Variants in ACTR3 observed in about 807,000 individuals in gnomAD.
ACTR3 encodes the protein actin-related protein 3.
Under a neutral mutation model 56.8 loss-of-function variants are expected in ACTR3, and 12 were observed. The observed-to-expected ratio is 0.21, with a 90% CI of 0.14 to 0.34. The LOEUF is 0.34. Among genes scored for constraint, ACTR3 ranks in the 10% least tolerant of loss-of-function variants. The pLI, the probability that ACTR3 is intolerant of heterozygous loss-of-function variation, is 1.00. For synonymous variants in ACTR3, 162 were observed against 167.4 expected, an observed-to-expected ratio of 0.97 and a Z score of 0.25; for missense variants, 282 against 512.5, an observed-to-expected ratio of 0.55 and a Z score of 4.34.
intron 3 of ACTR3, among the ~76,000 whole-genome samples, chr2:113,926,269 A>T (rs1679618125): frequency 6.6e-6 from 1 of 152,230 alleles, no homozygotes; most frequent in Non-Finnish European, 1.5e-5. Context: ...TGAAAGGAAT[A>T]TATAATAGTT....
Position 113,959,221 on chromosome 2 carries a change from C to G in ACTR3, c.*1766C>G, listed in dbSNP as rs535881383. 3.9e-5 allele frequency: 6 copies of G among 152,046 alleles called. No individual in the cohort carries two copies. Among genetic ancestry groups the G allele is most frequent in the Admixed American group, 3.9e-4 (6 of 15,262 alleles). The allele number at this position is 152,046 out of a possible 1,614,324, so 9.4% of individuals were successfully genotyped here. A position where few individuals can be genotyped will look rare whatever the true frequency, so the allele number is the denominator to read the frequency against. ...TTAGATGTCCTTGTATTGTAATTTTCTGTGTAGGTAGAAATAAATGTAGCT... is the reference window on the plus strand; with the variant it reads ...TTAGATGTCCTTGTATTGTAATTTTGTGTGTAGGTAGAAATAAATGTAGCT... On this transcript the variant is annotated 3_prime_UTR_variant, in exon 12 of 12. Transcript: ENST00000263238.
At chr2:113,890,498 G>A in intron 1 of ACTR3, 175 bp downstream of exon 1, 6 of 1,332,506 alleles carry the variant, frequency 4.5e-6, no homozygotes, top group Non-Finnish European at 4.9e-6. Context: ...GGGTCCCCTC[G>A]TTTCTCCCTC....
At chr2:113,920,986 T>C (rs566772352) in intron 3 of ACTR3, among the ~76,000 whole-genome samples, 1 of 152,318 alleles carries the variant, frequency 6.6e-6, no homozygotes, top group Admixed American at 6.5e-5. Flanking sequence ...ATATACCCAA[T>C]AGTAGGATGG....
intron 8 of ACTR3, among the ~76,000 whole-genome samples, chr2:113,945,346 A>G (rs1025060741): frequency 2.6e-5 from 4 of 152,190 alleles, no homozygotes; most frequent in Non-Finnish European, 5.9e-5. Flanking sequence ...AGTAACCCCC[A>G]GATTTCTAAA....
intron 8 of ACTR3, among the ~76,000 whole-genome samples, chr2:113,947,776 A>G (rs774600658): frequency 1.3e-5 from 2 of 152,122 alleles, no homozygotes; most frequent in Non-Finnish European, 2.9e-5. Context: ...CATTTTTTCT[A>G]TTAATTTGAA....
At chr2:113,890,024 G>A (rs1269855864), upstream of ACTR3, 2 of 581,274 alleles carry the variant, frequency 3.4e-6, no homozygotes, top group Non-Finnish European at 6.1e-6. Flanking sequence ...CAGGAGTGAG[G>A]AGGAGGGAAG....
chr2:113,896,120 A>G (rs976553537), intron 1 of ACTR3, among the ~76,000 whole-genome samples: 1 of 152,172 alleles, frequency 6.6e-6, no homozygotes, highest in African/African-American at 2.4e-5. Context: ...CTGACCTCTT[A>G]AAGTGTTGAG....
At chr2:113,906,361 A>T (rs1679192219) in intron 1 of ACTR3, among the ~76,000 whole-genome samples, 3 of 152,032 alleles carry the variant, frequency 2.0e-5, no homozygotes, top group Admixed American at 2.0e-4. Flanking sequence ...GTTGTTCTTT[A>T]TTCTGGATAT....
At chr2:113,955,964 C>T (rs1680203924) in intron 11 of ACTR3, among the ~76,000 whole-genome samples, 1 of 152,088 alleles carries the variant, frequency 6.6e-6, no homozygotes, top group African/African-American at 2.4e-5. Context: ...CTAGGTTACT[C>T]TTGAACTCCT....
At chr2:113,903,560 G>A (rs1010394395) in intron 1 of ACTR3, among the ~76,000 whole-genome samples, 8 of 147,838 alleles carry the variant, frequency 5.4e-5, no homozygotes, top group East Asian at 3.9e-4. Context: ...TTTTTGAGAC[G>A]GAGTCTCGCT....
intron 2 of ACTR3, among the ~76,000 whole-genome samples, chr2:113,915,822 GT>G (rs1679394988): frequency 6.6e-6 from 1 of 152,126 alleles, no homozygotes; most frequent in Admixed American, 6.6e-5. Context: ...CTGTAAGAAG[GT>G]TTTTGATTTT....
intron 1 of ACTR3, chr2:113,905,159 T>G (rs1002504048): frequency 6.6e-6 from 1 of 152,214 alleles, no homozygotes; most frequent in East Asian, 1.9e-4. Flanking sequence ...AACTTTATAT[T>G]TGATACATTT....
At chr2:113,893,343 G>T (rs764562848) in intron 1 of ACTR3, among the ~76,000 whole-genome samples, 4 of 151,958 alleles carry the variant, frequency 2.6e-5, no homozygotes, top group Non-Finnish European at 1.5e-5. Context: ...CGCTGGGCTG[G>T]AGTGCAGTGG....
intron 3 of ACTR3, among the ~76,000 whole-genome samples, chr2:113,923,944 C>T (rs190256095): frequency 4.6e-4 from 70 of 152,038 alleles, no homozygotes; most frequent in Admixed American, 1.8e-3. Flanking sequence ...ATACTCCACT[C>T]TTGTTTATTC....
At chr2:113,939,412 G>A (rs1487411003) in intron 6 of ACTR3, among the ~76,000 whole-genome samples, 3 of 152,102 alleles carry the variant, frequency 2.0e-5, no homozygotes, top group East Asian at 3.9e-4. Context: ...CCAGATGAAG[G>A]CATCCTTAAT....
chr2:113,932,674 T>G (rs970617230), intron 5 of ACTR3, among the ~76,000 whole-genome samples: 1 of 152,214 alleles, frequency 6.6e-6, no homozygotes, highest in African/African-American at 2.4e-5. Context: ...CTTGTAAAAG[T>G]GATCAGAGAT....
intron 1 of ACTR3, among the ~76,000 whole-genome samples, chr2:113,908,390 T>A (rs1473957120): frequency 6.6e-6 from 1 of 151,898 alleles, no homozygotes; most frequent in Admixed American, 6.5e-5. Context: ...ATTTCATGTG[T>A]AAAACTCAAT....
chr2:113,939,858 A>T, intron 6 of ACTR3, 101 bp from the exon 7 acceptor site: 1 of 1,085,600 alleles, frequency 9.2e-7, no homozygotes, highest in Non-Finnish European at 1.3e-6. Flanking sequence ...GACTATAAAT[A>T]CACTAACTTA....
chr2:113,949,102 G>T (rs948546484), intron 8 of ACTR3, among the ~76,000 whole-genome samples: 1 of 147,914 alleles, frequency 6.8e-6, no homozygotes, highest in Non-Finnish European at 1.5e-5. Context: ...AAAAGGCAGG[G>T]CGTGGTGGCT....
Sources: gnomAD v4.1 joint callset for allele counts (sites outside exome capture counted in the v4.1 genomes callset) on GRCh38, gnomAD v4.1.1 for gene constraint, MANE v1.5 for transcripts, NCBI Gene and HGNC (gene_info 2026-07-23, HGNC 2026-07-21) for gene names.